The following INPP4A variants were observed in gnomAD, a reference collection of about 807,000 sequenced individuals.
The protein encoded by INPP4A is inositol polyphosphate-4-phosphatase type I A.
A neutral mutation model predicts 119.8 loss-of-function variants in INPP4A; 33 were observed. That is an observed-to-expected ratio of 0.28 (90% CI 0.21 to 0.37). The LOEUF (loss-of-function observed/expected upper bound fraction) is 0.37. INPP4A is among the 10% of genes least tolerant of loss of function. The pLI, the probability that INPP4A is intolerant of heterozygous loss-of-function variation, is 1.00. For missense variants in INPP4A, 956 were observed against 1,289.9 expected, an observed-to-expected ratio of 0.74 and a Z score of 3.97; for synonymous variants, 496 against 500.7, an observed-to-expected ratio of 0.99 and a Z score of 0.12.
intron 1 of INPP4A, among the ~76,000 whole-genome samples, chr2:98,504,944 T>C (rs1683770330): frequency 6.6e-6 from 1 of 152,242 alleles, no homozygotes; most frequent in South Asian, 2.1e-4. Flanking sequence ...AAGGGGGATC[T>C]ACAGCTTTGG....
chr2:98,532,943 C>G (rs1689514732), intron 4 of INPP4A, among the ~76,000 whole-genome samples: 1 of 152,202 alleles, frequency 6.6e-6, no homozygotes, highest in Non-Finnish European at 1.5e-5. Context: ...ACACGTGGAG[C>G]ACCATATGCT....
intron 19 of INPP4A, among the ~76,000 whole-genome samples, chr2:98,565,271 TGG>T (rs1696222961): frequency 6.6e-6 from 1 of 152,222 alleles, no homozygotes; most frequent in Non-Finnish European, 1.5e-5. Context: ...CCCTGTGTAA[TGG>T]GAGGGTCTGG....
In INPP4A at chr2:98,546,690, A is replaced by G. The variant is rs1484706211; in HGVS notation, c.1159A>G (p.Lys387Glu). 1 of 1,587,004 alleles carries G rather than the reference A, an allele frequency of 6.3e-7. No individual in the cohort carries two copies. Among genetic ancestry groups the G allele is most frequent in the Non-Finnish European group, 8.7e-7 (1 of 1,155,434 alleles). ...KKLHKFEETKKHTSSGCQSII... is the reference protein window; with the variant it reads ...KKLHKFEETKEHTSSGCQSII... ...GCTGCACAAATTTGAAGAGACCAAG[A>G]AACAGTAAGTAGCCAGAGAGGGTTT... Residue 387 changes from lysine (K) to glutamate (E), a missense_variant, in exon 13 of 25, where the codon AAA becomes GAA. Physicochemically the swap from Lys to Glu is moderately conservative, Grantham distance 56. Around this residue, in one of 2 missense-constraint regions of INPP4A, gnomAD observed 652 missense variants for 797.9 expected, o/e 0.82. Coordinates refer to ENST00000409851, the MANE Select transcript of INPP4A (RefSeq NM_001134225.2). The surrounding 1 kb of genome is among the most constrained non-coding windows in gnomAD (Gnocchi z 4.2).
At chr2:98,586,054 G>A (rs1423897929) in intron 24 of INPP4A, among the ~76,000 whole-genome samples, 2 of 152,188 alleles carry the variant, frequency 1.3e-5, no homozygotes, top group Non-Finnish European at 2.9e-5. Flanking sequence ...TTTGATTACT[G>A]AATGAATGTT....
At chr2:98,474,737 A>G (rs1676849982) in intron 1 of INPP4A, among the ~76,000 whole-genome samples, 1 of 152,222 alleles carries the variant, frequency 6.6e-6, no homozygotes, top group Admixed American at 6.5e-5. Flanking sequence ...AGGTGCAGGA[A>G]TTTCATAGTT....
intron 1 of INPP4A, among the ~76,000 whole-genome samples, chr2:98,514,221 G>A (rs1448022329): frequency 6.6e-6 from 1 of 152,152 alleles, no homozygotes. Context: ...GGAATATTGG[G>A]AGTAGGGGAG....
chr2:98,531,960 C>A (rs1457201652), intron 4 of INPP4A, among the ~76,000 whole-genome samples: 1 of 152,170 alleles, frequency 6.6e-6, no homozygotes. Context: ...AAAACACACA[C>A]ACAAATGTGT....
chr2:98,469,627 A>C (rs909084243), intron 1 of INPP4A, among the ~76,000 whole-genome samples: 2 of 151,844 alleles, frequency 1.3e-5, no homozygotes, highest in Non-Finnish European at 2.9e-5. Flanking sequence ...ACATGGAGAA[A>C]CCCTGTCTCT....
At chr2:98,446,786 A>G (rs1369142068) in intron 1 of INPP4A, among the ~76,000 whole-genome samples, 1 of 152,186 alleles carries the variant, frequency 6.6e-6, no homozygotes, top group Admixed American at 6.5e-5. Context: ...GGCAGATATT[A>G]TAGTGCCTCC....
intron 3 of INPP4A, 109 bp downstream of exon 3, chr2:98,520,263 G>C: frequency 1.2e-6 from 1 of 821,732 alleles, no homozygotes; most frequent in Non-Finnish European, 2.0e-6. Context: ...GACTACCCTA[G>C]ACTACAGGGT....
At chr2:98,558,136 A>G (rs959359567) in intron 16 of INPP4A, among the ~76,000 whole-genome samples, 12 of 152,030 alleles carry the variant, frequency 7.9e-5, no homozygotes, top group Non-Finnish European at 1.6e-4. Flanking sequence ...ACCAGAGAAG[A>G]CCCCCTTTTT....
intron 10 of INPP4A, 143 bp from the exon 11 acceptor site, chr2:98,543,734 C>T: frequency 2.0e-6 from 2 of 1,001,600 alleles, no homozygotes; most frequent in Admixed American, 2.6e-5. Flanking sequence ...GCCCTTTAGA[C>T]AGGCAGTGTA....
chr2:98,556,452 G>A (rs1421150125), intron 16 of INPP4A, among the ~76,000 whole-genome samples: 1 of 152,232 alleles, frequency 6.6e-6, no homozygotes, highest in African/African-American at 2.4e-5. Flanking sequence ...CCTGTCTGCA[G>A]AGACACAGCA....
chr2:98,487,083 G>A (rs1359119519), intron 1 of INPP4A, among the ~76,000 whole-genome samples: 1 of 152,250 alleles, frequency 6.6e-6, no homozygotes, highest in Admixed American at 6.5e-5. Context: ...CAGAAAAGTT[G>A]CAAAGAGTGC....
At chr2:98,581,595 G>A (rs373704387) in intron 24 of INPP4A, 2 of 1,551,132 alleles carry the variant, frequency 1.3e-6, no homozygotes, top group Non-Finnish European at 1.7e-6. Flanking sequence ...ACGGGAGGTA[G>A]TCACCCAGAA....
chr2:98,574,169 G>A (rs900418464), intron 23 of INPP4A, among the ~76,000 whole-genome samples: 2 of 152,168 alleles, frequency 1.3e-5, no homozygotes, highest in South Asian at 2.1e-4. Context: ...CAAGCGGGGT[G>A]TAGGGCAGGG....
chr2:98,543,640 C>T (rs1056787771), intron 10 of INPP4A, among the ~76,000 whole-genome samples: 8 of 152,284 alleles, frequency 5.3e-5, no homozygotes, highest in South Asian at 4.1e-4. Context: ...ACTAAATTCC[C>T]GTGAAAAGCT....
At chr2:98,450,841 G>A (rs535606576) in intron 1 of INPP4A, among the ~76,000 whole-genome samples, 161 of 152,064 alleles carry the variant, frequency 1.1e-3, no homozygotes, top group African/African-American at 3.6e-3. Context: ...CTGCAACCTC[G>A]GCTCACTGCA....
rs753068982 is a variant in INPP4A at position 98,476,750 on chromosome 2, TC to T, written c.-166+31667del. ...ATGGCCAAGATAGCCTTGCCTCCCT[TC>T]CTGTCTTCCAGAAATTCTCATGGGG... On this transcript the variant is annotated intron_variant, in intron 1 of 24. Transcript: ENST00000409851. Among the ~76,000 whole-genome samples, 412 of 152,300 alleles carry T rather than the reference TC, an allele frequency of 2.7e-3. 3 individuals are homozygous for T. Among genetic ancestry groups the T allele is most frequent in the Non-Finnish European group, 5.1e-3 (347 of 68,020 alleles).
Sources: allele counts gnomAD v4.1 joint callset (sites outside exome capture counted in the v4.1 genomes callset), GRCh38; gene constraint gnomAD v4.1.1; regional missense constraint gnomAD v4.1.1; non-coding constraint Gnocchi (gnomAD v3.1); transcripts MANE v1.5; gene names NCBI Gene and HGNC (gene_info 2026-07-23, HGNC 2026-07-21).